PRKG2: variants seen among roughly 807,000 people sequenced by gnomAD.
PRKG2 encodes the protein cGMP-dependent protein kinase 2.
In PRKG2, 33 loss-of-function variants were observed where a neutral mutation model predicts 97.2. That is an observed-to-expected ratio of 0.34 (90% CI 0.26 to 0.45). The LOEUF (loss-of-function observed/expected upper bound fraction) is 0.45, where lower values mean the gene tolerates loss of function less well. PRKG2 is among the 20% of genes least tolerant of loss of function. The pLI, the probability that PRKG2 is intolerant of heterozygous loss-of-function variation, is 1.00. For missense variants in PRKG2, 638 were observed against 900.0 expected (o/e 0.71, Z 3.73); for synonymous variants, 330 against 321.8 (o/e 1.03, Z -0.27).
chr4:81,149,521 T>C (rs1748181557), intron 8 of PRKG2, among the ~76,000 whole-genome samples: 1 of 152,142 alleles, frequency 6.6e-6, no homozygotes, highest in Non-Finnish European at 1.5e-5. Context: ...GTAGTGTAAT[T>C]AGCAGCATTT....
chr4:81,177,920 A>T (rs1751076717), intron 2 of PRKG2, among the ~76,000 whole-genome samples: 1 of 151,890 alleles, frequency 6.6e-6, no homozygotes, highest in African/African-American at 2.4e-5. Context: ...CCTACAAGGC[A>T]GTTGCTGCTT....
chr4:81,172,603 C>T (rs1372823433), intron 3 of PRKG2, among the ~76,000 whole-genome samples: 6 of 151,996 alleles, frequency 3.9e-5, no homozygotes, highest in African/African-American at 1.4e-4. Context: ...CTTTTTTTGC[C>T]TTGGCAGCTT....
chr4:81,201,815 G>T (rs1332338100), intron 2 of PRKG2, among the ~76,000 whole-genome samples: 1 of 152,132 alleles, frequency 6.6e-6, no homozygotes, highest in East Asian at 1.9e-4. Flanking sequence ...CTTGCTCACT[G>T]TTAAGTGTTC....
intron 13 of PRKG2, among the ~76,000 whole-genome samples, chr4:81,136,172 C>T (rs1746676348): frequency 6.6e-6 from 1 of 152,160 alleles, no homozygotes; most frequent in Non-Finnish European, 1.5e-5. Flanking sequence ...CAGGTTCTCC[C>T]CATTCAAATC....
chr4:81,150,766 T>C (rs1475979221), intron 8 of PRKG2, among the ~76,000 whole-genome samples: 1 of 152,154 alleles, frequency 6.6e-6, no homozygotes, highest in African/African-American at 2.4e-5. Flanking sequence ...TGAGAAAATC[T>C]GTAAGCGTTA....
chr4:81,125,728 T>G (rs1413106135), intron 14 of PRKG2, among the ~76,000 whole-genome samples: 1 of 152,212 alleles, frequency 6.6e-6, no homozygotes, highest in African/African-American at 2.4e-5. Context: ...CTTTTTCTAC[T>G]AGAAATGTAG....
intron 4 of PRKG2, 74 bp downstream of exon 4, chr4:81,171,617 G>T: frequency 8.9e-7 from 1 of 1,124,064 alleles, no homozygotes. Flanking sequence ...GGATCAGGGT[G>T]CAAATGTGAC....
At chr4:81,113,641 T>C (rs3922085) in intron 14 of PRKG2, among the ~76,000 whole-genome samples, 2,857 of 152,236 alleles carry the variant, frequency 0.019, 79 homozygotes, top group African/African-American at 0.065. Context: ...TTCCCAGAAA[T>C]TTCTCTCTGG....
At chr4:81,113,198 A>G (rs1399637555) in intron 14 of PRKG2, among the ~76,000 whole-genome samples, 1 of 152,158 alleles carries the variant, frequency 6.6e-6, no homozygotes, top group Non-Finnish European at 1.5e-5. Context: ...AACCACAGAA[A>G]TAACTTCAGA....
At chr4:81,185,706 G>C (rs768976140) in intron 2 of PRKG2, among the ~76,000 whole-genome samples, 1 of 151,582 alleles carries the variant, frequency 6.6e-6, no homozygotes, top group Non-Finnish European at 1.5e-5. Context: ...AAGACCCCTC[G>C]GGGTGCTGTG....
At chr4:81,161,895 A>G (rs1749615211) in intron 6 of PRKG2, among the ~76,000 whole-genome samples, 1 of 144,260 alleles carries the variant, frequency 6.9e-6, no homozygotes, top group African/African-American at 2.5e-5. Context: ...AATATAACAT[A>G]TTCATACATT....
At chr4:81,211,176 A>G (rs1229187976) in intron 1 of PRKG2, among the ~76,000 whole-genome samples, 1 of 152,190 alleles carries the variant, frequency 6.6e-6, no homozygotes, top group African/African-American at 2.4e-5. Context: ...ATGAACCCCA[A>G]TGTAAACTAT....
intron 2 of PRKG2, among the ~76,000 whole-genome samples, chr4:81,180,389 T>C (rs1419725874): frequency 6.6e-6 from 1 of 152,036 alleles, no homozygotes; most frequent in Non-Finnish European, 1.5e-5. Context: ...TGTATATTGC[T>C]AATAAGATAC....
Position 81,104,444 on chromosome 4 carries a change from A to G in PRKG2, c.2064-12T>C, listed in dbSNP as rs771064058. On this transcript the variant is annotated splice_polypyrimidine_tract_variant and intron_variant, in intron 16 of 18. Transcript: ENST00000264399. ...CTGTTGGATTTTGCCTAAAACAATA[A>G]TTTGTAAAAGGCAATTTATAATAAT... The G allele has an allele frequency of 2.2e-6, 3 of 1,378,756 alleles. No individual in the cohort carries two copies. 85.4% of individuals were successfully genotyped at this position (1,378,756 alleles called of 1,614,324 possible).
intron 12 of PRKG2, among the ~76,000 whole-genome samples, chr4:81,139,661 G>C (rs1010626111): frequency 3.3e-5 from 5 of 151,162 alleles, no homozygotes; most frequent in Non-Finnish European, 7.4e-5. Context: ...TGTAGTTCCA[G>C]CTACTCTGGA....
chr4:81,139,611 GA>G lies in PRKG2; in HGVS notation c.1544+921del, dbSNP rs11372286. Among the ~76,000 whole-genome samples the G allele has an allele frequency of 3.0e-3, 406 of 136,606 alleles. 2 individuals are homozygous for G. Among genetic ancestry groups the G allele is most frequent in the Admixed American group, 0.01 (141 of 13,522 alleles). The allele number at this position is 136,606 out of a possible 152,430, so 89.6% of individuals were successfully genotyped here. A position where few individuals can be genotyped will look rare whatever the true frequency, so the allele number is the denominator to read the frequency against. On this transcript the variant is annotated intron_variant, in intron 12 of 18. Transcript: ENST00000264399. ...TGAAACCCCGTCTCTACTAAAAATA[GA>G]AAAAAAAAAAAAATTAGCCAGGCAT... is the stretch of plus-strand genomic sequence containing the variant.
At chr4:81,123,079 A>G (rs928553783) in intron 14 of PRKG2, among the ~76,000 whole-genome samples, 2 of 152,234 alleles carry the variant, frequency 1.3e-5, no homozygotes, top group Non-Finnish European at 2.9e-5. Context: ...CATTAGATGA[A>G]GTGTATTATT....
At position 81,154,547 on chromosome 4, in the gene PRKG2, C is replaced by A. The variant is rs549948422; in HGVS notation, c.913-826G>T. 2.2e-4 allele frequency among the ~76,000 whole-genome samples: 31 copies of A among 143,188 alleles called. No homozygotes were observed. The South Asian group carries it at 6.7e-3, about 31-fold the overall frequency. 93.9% of individuals were successfully genotyped at this position (143,188 alleles called of 152,430 possible). On this transcript the variant is annotated intron_variant, in intron 6 of 18. Transcript: ENST00000264399. ...ACGGCAGGGTACTCCAACAGACCTG[C>A]AGCTGAGGGTCCTGTCTGTTAGAAG...
chr4:81,125,878 GT>G (rs1405456877), intron 14 of PRKG2, among the ~76,000 whole-genome samples: 2 of 151,704 alleles, frequency 1.3e-5, no homozygotes, highest in East Asian at 1.9e-4. Flanking sequence ...TTTGTGAAGT[GT>G]TTTTTTTAAT....
Sources: gnomAD v4.1 joint callset for allele counts (sites outside exome capture counted in the v4.1 genomes callset) on GRCh38, gnomAD v4.1.1 for gene constraint, MANE v1.5 for transcripts, NCBI Gene and HGNC (gene_info 2026-07-23, HGNC 2026-07-21) for gene names.